SLC7A11: variants seen among roughly 807,000 people sequenced by gnomAD.
The protein encoded by SLC7A11 is solute carrier family 7 member 11.
SLC7A11 carries 35 observed loss-of-function variants against 54.5 expected under a neutral mutation model. The ratio of observed to expected loss-of-function variants is 0.64; its 90% confidence interval spans 0.49 to 0.85. The LOEUF (loss-of-function observed/expected upper bound fraction) is 0.85. Among genes scored for constraint, SLC7A11 ranks in the 40% least tolerant of loss-of-function variants. The probability of loss-of-function intolerance (pLI) is 0.00; values close to 1 mark genes in which losing one functional copy is unlikely to be tolerated. For synonymous variants in SLC7A11, 230 were observed against 225.2 expected (o/e 1.02, Z -0.19); for missense variants, 583 against 618.1 (o/e 0.94, Z 0.60).
intron 6 of SLC7A11, among the ~76,000 whole-genome samples, chr4:138,208,954 C>T (rs1357312197): frequency 6.6e-6 from 1 of 152,012 alleles, no homozygotes; most frequent in Non-Finnish European, 1.5e-5. Flanking sequence ...TTTTGCCCAC[C>T]TTTGTCTCTC....
intron 6 of SLC7A11, 73 bp from the exon 7 acceptor site, chr4:138,185,317 G>A (rs888356306): frequency 1.5e-5 from 22 of 1,503,356 alleles, no homozygotes; most frequent in Non-Finnish European, 1.8e-5. Flanking sequence ...AAAATAACAG[G>A]CTAATTCAAA....
At chr4:138,201,550 C>T (rs1737286745) in intron 6 of SLC7A11, among the ~76,000 whole-genome samples, 1 of 152,098 alleles carries the variant, frequency 6.6e-6, no homozygotes, top group Admixed American at 6.6e-5. Context: ...AATGCTTCAA[C>T]TCTGAGACTG....
chr4:138,180,266 GT>G (rs1736703625), intron 10 of SLC7A11, among the ~76,000 whole-genome samples: 1 of 152,056 alleles, frequency 6.6e-6, no homozygotes, highest in East Asian at 1.9e-4. Flanking sequence ...CATTAACAAA[GT>G]ATCTCCCTTA....
chr4:138,167,567 A>G lies in SLC7A11; in HGVS notation c.*4389T>C, dbSNP rs1188454999. 6.6e-6 allele frequency: 1 copy of G among 152,212 alleles called. No homozygotes were observed. Among genetic ancestry groups the G allele is most frequent in the African/African-American group, 2.4e-5 (1 of 41,460 alleles). 9.4% of individuals were successfully genotyped at this position (152,212 alleles called of 1,614,324 possible). A position where few individuals can be genotyped will look rare whatever the true frequency, so the allele number is the denominator to read the frequency against. ...AAAAATACTGTTTATATGAAAATTA[A>G]GCTTAAATACACGTATAGGTAATAA... On this transcript the variant is annotated 3_prime_UTR_variant, in exon 12 of 12. Coordinates refer to ENST00000280612, the MANE Select transcript of SLC7A11 (RefSeq NM_014331.4).
chr4:138,224,381 T>C (rs1216802626), intron 3 of SLC7A11, among the ~76,000 whole-genome samples: 1 of 152,166 alleles, frequency 6.6e-6, no homozygotes, highest in Non-Finnish European at 1.5e-5. Context: ...TTTATATTTA[T>C]AAAGGTATAT....
intron 11 of SLC7A11, chr4:138,177,746 C>T (rs1273588708): frequency 1.3e-5 from 2 of 152,112 alleles, no homozygotes; most frequent in Non-Finnish European, 2.9e-5. Flanking sequence ...ATGCTTTCAA[C>T]ACAGGCTATT....
At chr4:138,239,604 C>G (rs2148459970) in intron 1 of SLC7A11, among the ~76,000 whole-genome samples, 1 of 152,258 alleles carries the variant, frequency 6.6e-6, no homozygotes, top group Non-Finnish European at 1.5e-5. Context: ...AGCACACTCC[C>G]TGCAATTACT....
At chr4:138,216,555 T>G (rs1186753995) in intron 5 of SLC7A11, among the ~76,000 whole-genome samples, 1 of 152,154 alleles carries the variant, frequency 6.6e-6, no homozygotes, top group East Asian at 1.9e-4. Flanking sequence ...GGTTAATGAT[T>G]TCTTTTCCCC....
intron 4 of SLC7A11, among the ~76,000 whole-genome samples, chr4:138,222,628 G>A (rs1737842677): frequency 6.6e-6 from 1 of 151,988 alleles, no homozygotes; most frequent in Non-Finnish European, 1.5e-5. Flanking sequence ...GCAGAAATGC[G>A]AATTTTATAT....
intron 11 of SLC7A11, chr4:138,177,991 G>C (rs1736623706): frequency 6.6e-6 from 1 of 151,874 alleles, no homozygotes; most frequent in Non-Finnish European, 1.5e-5. Context: ...TAACCCCCAG[G>C]GTGATTCTCC....
chr4:138,213,032 A>G (rs941728904), intron 6 of SLC7A11, among the ~76,000 whole-genome samples: 10 of 151,956 alleles, frequency 6.6e-5, no homozygotes, highest in African/African-American at 1.4e-4. Flanking sequence ...TCTTTTCTCT[A>G]TGCTGGTGCT....
chr4:138,217,607 C>T lies in SLC7A11; in HGVS notation c.746+1659G>A, dbSNP rs940056855. The stretch of plus-strand genomic sequence containing the variant: ...TAAGATGGCATGGGAACAGATCTAT[C>T]GTACTCTCAGGCAAAAGAAATTTCA... On this transcript the variant is annotated intron_variant, in intron 5 of 11. Transcript: ENST00000280612. Among the ~76,000 whole-genome samples, 3 of 152,122 alleles carry T rather than the reference C, an allele frequency of 2.0e-5. No individual in the cohort carries two copies. The East Asian group carries it at 5.8e-4, about 29-fold the overall frequency.
At chr4:138,219,997 T>G (rs1578662372) in intron 4 of SLC7A11, among the ~76,000 whole-genome samples, 1 of 149,252 alleles carries the variant, frequency 6.7e-6, no homozygotes, top group Admixed American at 6.8e-5. Context: ...TGGAGTGCAG[T>G]GGCACAATCT....
intron 6 of SLC7A11, among the ~76,000 whole-genome samples, chr4:138,201,430 T>C (rs1407445431): frequency 1.3e-5 from 2 of 152,114 alleles, no homozygotes; most frequent in Admixed American, 6.6e-5. Context: ...CAGCACTAAA[T>C]AGCCAGGAAA....
intron 6 of SLC7A11, among the ~76,000 whole-genome samples, chr4:138,196,091 C>T (rs1737126302): frequency 6.6e-6 from 1 of 152,020 alleles, no homozygotes; most frequent in African/African-American, 2.4e-5. Flanking sequence ...CCACCAAATC[C>T]TCATGTGAAT....
chr4:138,192,992 G>C (rs1029817530), intron 6 of SLC7A11, among the ~76,000 whole-genome samples: 1 of 152,142 alleles, frequency 6.6e-6, no homozygotes, highest in Non-Finnish European at 1.5e-5. Flanking sequence ...TTTTGGCATG[G>C]TAAATGGGAA....
rs1002690111 is a variant in SLC7A11, at chr4:138,170,815, A to T, written c.*1141T>A. Reference sequence around the variant, plus strand: ...AGTTGTAAATCTTATTTACAGCGACATTTCTTTTGCAATTTTTATGTTAAT... The same window carrying T: ...AGTTGTAAATCTTATTTACAGCGACTTTTCTTTTGCAATTTTTATGTTAAT... On this transcript the variant is annotated 3_prime_UTR_variant, in exon 12 of 12. Transcript: ENST00000280612. The T allele has an allele frequency of 3.9e-5, 6 of 152,156 alleles. No individual in the cohort carries two copies. The highest frequency in any genetic ancestry group is 1.4e-4 in the African/African-American group (6 of 41,450). The allele number at this position is 152,156 out of a possible 1,614,324, so 9.4% of individuals were successfully genotyped here. A position where few individuals can be genotyped will look rare whatever the true frequency, so the allele number is the denominator to read the frequency against.
intron 1 of SLC7A11, among the ~76,000 whole-genome samples, chr4:138,240,462 G>T (rs1738348747): frequency 2.0e-5 from 3 of 151,714 alleles, no homozygotes; most frequent in Admixed American, 1.3e-4. Context: ...AGCTACTCGG[G>T]AGGCTTAGGC....
intron 5 of SLC7A11, among the ~76,000 whole-genome samples, chr4:138,215,544 G>T (rs112640841): frequency 4.7e-4 from 71 of 152,176 alleles, no homozygotes; most frequent in African/African-American, 1.6e-3. Flanking sequence ...AATAATTGAG[G>T]AGCTGACAGA....
Sources: allele counts gnomAD v4.1 joint callset (sites outside exome capture counted in the v4.1 genomes callset), GRCh38; gene constraint gnomAD v4.1.1; transcripts MANE v1.5; gene names NCBI Gene and HGNC (gene_info 2026-07-23, HGNC 2026-07-21).